Variants in ZC3H7B observed in about 807,000 individuals in gnomAD.
ZC3H7B encodes zinc finger CCCH domain-containing protein 7B.
Under a neutral mutation model 116.0 loss-of-function variants are expected in ZC3H7B, and 35 were observed. The observed-to-expected ratio is 0.30, with a 90% confidence interval of 0.23 to 0.40. The LOEUF is 0.40. Ranked by LOEUF, ZC3H7B falls within the 10% of genes least tolerant of loss-of-function variation. The pLI, the probability that ZC3H7B is intolerant of heterozygous loss-of-function variation, is 1.00. For missense variants in ZC3H7B, 1,011 were observed against 1,321.5 expected, an observed-to-expected ratio of 0.77 and a Z score of 3.64; for synonymous variants, 502 against 545.6, an observed-to-expected ratio of 0.92 and a Z score of 1.11.
intron 14 of ZC3H7B, among the ~76,000 whole-genome samples, 181 bp from the exon 15 acceptor site, chr22:41,347,886 C>T (rs989766451): frequency 6.6e-6 from 1 of 152,088 alleles, no homozygotes; most frequent in South Asian, 2.1e-4. Flanking sequence ...GCCCAGGTCA[C>T]CTGTGAGCTG....
chr22:41,319,359 C>G (rs1601769150), intron 1 of ZC3H7B, among the ~76,000 whole-genome samples: 1 of 151,944 alleles, frequency 6.6e-6, no homozygotes, highest in African/African-American at 2.4e-5. Context: ...CAAGATCGCG[C>G]CACTGCACTC....
rs573953322 is a variant in ZC3H7B at position 41,338,929 on chromosome 22, C to T, written c.626-72C>T. 8.4e-6 allele frequency: 12 copies of T among 1,420,924 alleles called. No individual in the cohort carries two copies. Among genetic ancestry groups the T allele is most frequent in the South Asian group, 4.5e-5 (3 of 66,180 alleles). 88.0% of individuals were successfully genotyped at this position (1,420,924 alleles called of 1,614,324 possible). A position where few individuals can be genotyped will look rare whatever the true frequency, so the allele number is the denominator to read the frequency against. The stretch of plus-strand genomic sequence containing the variant: ...AAGGGAAAGTGTTGGATGAGCATCA[C>T]GGGGCCCGGGACGCCTCCTCCACCC... On this transcript the variant is annotated intron_variant, in intron 8 of 22. Transcript: ENST00000352645. This position sits in a 1 kb window ranked among gnomAD's most constrained non-coding sequence, Gnocchi z 4.5.
At chr22:41,322,734 C>A (rs569045338) in intron 2 of ZC3H7B, among the ~76,000 whole-genome samples, 1 of 152,190 alleles carries the variant, frequency 6.6e-6, no homozygotes, top group South Asian at 2.1e-4. Context: ...AACTGGAATT[C>A]GCCTCTATGT....
rs745380533 is a variant in ZC3H7B at position 41,343,552 on chromosome 22, G to T, written c.1435G>T (p.Val479Leu). 6 of 1,610,654 alleles carry T rather than the reference G, an allele frequency of 3.7e-6. No individual in the cohort carries two copies. Among genetic ancestry groups the T allele is most frequent in the Middle Eastern group, 1.6e-4 (1 of 6,072 alleles). Residue 479 changes from valine to leucine, a missense_variant, in exon 13 of 23, where the codon GTG becomes TTG. Transcript: ENST00000352645. ...GCCCCGGCCCACTAAGACCAGCTTC[G>T]TGGGCTCCTACTACCTGTGCAAAGG... Reference protein sequence around the residue: ...IRPRPTKTSFVGSYYLCKDMI... With the variant: ...IRPRPTKTSFLGSYYLCKDMI...
intron 1 of ZC3H7B, among the ~76,000 whole-genome samples, chr22:41,312,149 T>G (rs1601762844): frequency 9.7e-6 from 1 of 103,360 alleles, no homozygotes; most frequent in Non-Finnish European, 1.9e-5. Flanking sequence ...AGAGCGAGAC[T>G]CCGTCTCAAA....
rs2036756935 is a variant in ZC3H7B at position 41,359,137 on chromosome 22, A to C, written c.*1708A>C. On this transcript the variant is annotated 3_prime_UTR_variant, in exon 23 of 23. Transcript: ENST00000352645. ...GTTTGGGTGCTGGTGGTGTGGCTGT[A>C]GGGGAGGGGAGACCACACCCAAGGT... 1 of 152,688 alleles carries C rather than the reference A, an allele frequency of 6.5e-6. No homozygotes were observed. The highest frequency in any genetic ancestry group is 1.5e-5 in the Non-Finnish European group (1 of 68,172). 9.5% of individuals were successfully genotyped at this position (152,688 alleles called of 1,614,324 possible).
chr22:41,323,931 G>A (rs189896747), intron 2 of ZC3H7B, among the ~76,000 whole-genome samples: 168 of 152,250 alleles, frequency 1.1e-3, no homozygotes, highest in East Asian at 0.01. Flanking sequence ...TTAGCCAGGC[G>A]TGGTGGCGGG....
rs1318759845 is a variant in ZC3H7B at position 41,327,400 on chromosome 22, C to T, written c.444+36C>T. 4 of 1,599,098 alleles carry T rather than the reference C, an allele frequency of 2.5e-6. No homozygotes were observed. In the South Asian group the frequency reaches 3.3e-5, roughly 13 times the overall value. ...CTCTGCAGCCACGCCGGTGCCTGCT[C>T]AGAGGCCAGGCTTCTGACCTTCCGG... On this transcript the variant is annotated intron_variant, in intron 5 of 22. Coordinates refer to ENST00000352645, the MANE Select transcript of ZC3H7B (RefSeq NM_017590.6). This position sits in a 1 kb window ranked among gnomAD's most constrained non-coding sequence, Gnocchi z 4.5.
In ZC3H7B at chr22:41,338,281, G is replaced by A; in HGVS notation, c.583-32G>A. On this transcript the variant is annotated intron_variant, in intron 7 of 22. Transcript: ENST00000352645. This position sits in a 1 kb window ranked among gnomAD's most constrained non-coding sequence, Gnocchi z 4.5. ...GGGTGCTGGGATCGGGGCCTTCCCAGCCACAGCGCCACTGTGGCCCTCTCC... is the reference window on the plus strand; with the variant it reads ...GGGTGCTGGGATCGGGGCCTTCCCAACCACAGCGCCACTGTGGCCCTCTCC... 2 of 1,610,454 alleles carry A rather than the reference G, an allele frequency of 1.2e-6. No individual in the cohort carries two copies. The highest frequency in any genetic ancestry group is 1.1e-5 in the South Asian group (1 of 90,328).
intron 10 of ZC3H7B, among the ~76,000 whole-genome samples, chr22:41,340,616 G>A (rs1031219969): frequency 2.0e-5 from 3 of 152,184 alleles, no homozygotes; most frequent in Admixed American, 6.5e-5. Context: ...AGGGCTTAAC[G>A]GGACTGTCGG....
Position 41,355,876 on chromosome 22 carries a change from TG to T in ZC3H7B, c.2274+20del, listed in dbSNP as rs754194893. On this transcript the variant is annotated intron_variant, in intron 19 of 22. Transcript: ENST00000352645. Reference sequence around the variant, plus strand: ...CAGCAATACGATGTGAGCGCTGGGATGGGGGGCTGGGGGTCCCCCAGGAGGC... The same window carrying T: ...CAGCAATACGATGTGAGCGCTGGGATGGGGGCTGGGGGTCCCCCAGGAGGC... 2 of 1,611,688 alleles carry T rather than the reference TG, an allele frequency of 1.2e-6. No homozygotes were observed. The highest frequency in any genetic ancestry group is 1.3e-5 in the African/African-American group (1 of 75,014).
At chr22:41,317,937 T>G (rs1601767812) in intron 1 of ZC3H7B, among the ~76,000 whole-genome samples, 2 of 152,238 alleles carry the variant, frequency 1.3e-5, no homozygotes, top group East Asian at 3.8e-4. Flanking sequence ...GCTGACTGCA[T>G]GGCTTTGAAT....
At chr22:41,355,448 C>A (rs758977141) in intron 17 of ZC3H7B, 21 bp from the exon 18 acceptor site, 3 of 1,613,056 alleles carry the variant, frequency 1.9e-6, no homozygotes, top group African/African-American at 2.7e-5. Context: ...TTCACCAACC[C>A]CCCTCCCCAT....
Position 41,356,097 on chromosome 22 carries a change from C to G in ZC3H7B, c.2383+35C>G, listed in dbSNP as rs747416586. On this transcript the variant is annotated intron_variant, in intron 20 of 22. Coordinates refer to ENST00000352645, the MANE Select transcript of ZC3H7B (RefSeq NM_017590.6). Reference sequence around the variant, plus strand: ...CAGACGGGGCGGGCGGGCCCTCCCCCGGTGTCTCTTCAGTGCTGAATGTCT... The same window carrying G: ...CAGACGGGGCGGGCGGGCCCTCCCCGGGTGTCTCTTCAGTGCTGAATGTCT... 3.9e-6 allele frequency: 6 copies of G among 1,522,698 alleles called. No homozygotes were observed. The Admixed American group carries it at 9.1e-5, about 23-fold the overall frequency. 94.3% of individuals were successfully genotyped at this position (1,522,698 alleles called of 1,614,324 possible).
At chr22:41,317,045 AC>A (rs1189481553) in intron 1 of ZC3H7B, among the ~76,000 whole-genome samples, 1 of 151,602 alleles carries the variant, frequency 6.6e-6, no homozygotes, top group Admixed American at 6.6e-5. Context: ...ACAGTGTTTC[AC>A]CATGTTGGCC....
At chr22:41,321,908 C>T (rs1438290803) in intron 2 of ZC3H7B, among the ~76,000 whole-genome samples, 4 of 124,700 alleles carry the variant, frequency 3.2e-5, no homozygotes, top group Non-Finnish European at 4.8e-5. Context: ...GGCGGGATCT[C>T]GGCTCACTGC....
rs150317026 is a variant in ZC3H7B at position 41,339,019 on chromosome 22, G to A, written c.644G>A (p.Arg215Gln). 8.8e-6 allele frequency: 14 copies of A among 1,591,618 alleles called. No homozygotes were observed. Among genetic ancestry groups the A allele is most frequent in the African/African-American group, 4.0e-5 (3 of 74,396 alleles). Residue 215 changes from arginine (R) to glutamine (Q), a missense_variant, in exon 9 of 23, where the codon CGA becomes CAA. Coordinates refer to ENST00000352645, the MANE Select transcript of ZC3H7B (RefSeq NM_017590.6). Reference protein sequence around the residue: ...DIETDCYVDPRGSPALLPSTP... With the variant: ...DIETDCYVDPQGSPALLPSTP... ...TCCGCAGACTGCTACGTGGACCCTC[G>A]AGGCTCCCCAGCCCTTCTCCCCTCC...
chr22:41,346,184 G>T lies in ZC3H7B; in HGVS notation c.1641G>T (p.Gln547His). 6.2e-7 allele frequency: 1 copy of T among 1,611,596 alleles called. No homozygotes were observed. Residue 547 changes from glutamine (Q) to histidine (H), a missense_variant, in exon 14 of 23, where the codon CAG becomes CAT. Physicochemically the swap from Gln to His is conservative, Grantham distance 24 (BLOSUM62 0). Around this residue, in one of 5 missense-constraint regions of ZC3H7B, gnomAD observed 406 missense variants for 590.2 expected, o/e 0.69. Coordinates refer to ENST00000352645, the MANE Select transcript of ZC3H7B (RefSeq NM_017590.6). The surrounding 1 kb of genome is among the most constrained non-coding windows in gnomAD (Gnocchi z 5.3). ...TCGCCAAGCTCCTGAAGGAGCACCA[G>T]GGCATCTTCACCTTCCTCTGCGAGG... ...LTIAKLLKEH[Q>H]GIFTFLCEIC...
rs778049284 is a variant in ZC3H7B at position 41,330,003 on chromosome 22, C to T, written c.445-20C>T. The T allele has an allele frequency of 2.5e-6, 4 of 1,613,234 alleles. No individual in the cohort carries two copies. The South Asian group carries it at 4.4e-5, about 18-fold the overall frequency. Reference sequence around the variant, plus strand: ...AGCCCGGGCAGACTGACCCACCGCCCTGTGTCTTGTCCTCTGCAGGATGAA... The same window carrying T: ...AGCCCGGGCAGACTGACCCACCGCCTTGTGTCTTGTCCTCTGCAGGATGAA... On this transcript the variant is annotated intron_variant, in intron 5 of 22. Transcript: ENST00000352645.
Sources: allele counts gnomAD v4.1 joint callset (sites outside exome capture counted in the v4.1 genomes callset), GRCh38; gene constraint gnomAD v4.1.1; regional missense constraint gnomAD v4.1.1; non-coding constraint Gnocchi (gnomAD v3.1); transcripts MANE v1.5; gene names NCBI Gene and HGNC (gene_info 2026-07-23, HGNC 2026-07-21).